Variants in GNAZ observed in about 807,000 individuals in gnomAD.
GNAZ encodes guanine nucleotide-binding protein G(z) subunit alpha.
Under a neutral mutation model 25.4 loss-of-function variants are expected in GNAZ, and 3 were observed. The observed-to-expected ratio is 0.12, with a 90% confidence interval of 0.05 to 0.30. The LOEUF is 0.30. Among genes scored for constraint, GNAZ ranks in the 10% least tolerant of loss-of-function variants. GNAZ has a pLI of 1.00. For synonymous variants in GNAZ, 211 were observed against 205.7 expected (o/e 1.03, Z -0.22); for missense variants, 241 against 501.8 (o/e 0.48, Z 4.97).
intron 2 of GNAZ, among the ~76,000 whole-genome samples, chr22:23,116,143 G>A (rs548608271): frequency 1.3e-5 from 2 of 152,382 alleles, no homozygotes; most frequent in African/African-American, 4.8e-5. Flanking sequence ...GCCTTGCTTC[G>A]TGAAGCTGCC....
chr22:23,082,276 G>T (rs1030499461), intron 1 of GNAZ, among the ~76,000 whole-genome samples: 1 of 151,508 alleles, frequency 6.6e-6, no homozygotes, highest in Non-Finnish European at 1.5e-5. Flanking sequence ...GAGTGTAATG[G>T]CGCGATCTCG....
At chr22:23,104,849 G>A (rs997210461) in intron 2 of GNAZ, among the ~76,000 whole-genome samples, 8 of 152,236 alleles carry the variant, frequency 5.3e-5, no homozygotes, top group African/African-American at 1.9e-4. Flanking sequence ...GCTCAGTCTA[G>A]TTTCTGGAGG....
intron 1 of GNAZ, among the ~76,000 whole-genome samples, chr22:23,083,640 A>G (rs1382318618): frequency 6.6e-6 from 1 of 152,098 alleles, no homozygotes; most frequent in African/African-American, 2.4e-5. Flanking sequence ...CACACAAGCC[A>G]TTGGAGGCGA....
At chr22:23,106,040 T>C (rs1417890334) in intron 2 of GNAZ, among the ~76,000 whole-genome samples, 1 of 152,146 alleles carries the variant, frequency 6.6e-6, no homozygotes, top group Non-Finnish European at 1.5e-5. Flanking sequence ...TCCCACCATC[T>C]TGGAATTTTC....
rs531977238 is a variant in GNAZ, at chr22:23,078,920, C to T, written c.-450+8350C>T. On this transcript the variant is annotated intron_variant, in intron 1 of 2. Coordinates refer to ENST00000615612, the MANE Select transcript of GNAZ (RefSeq NM_002073.4). Reference sequence around the variant, plus strand: ...CAAGTCCAGGTGGGCGGGGGCTGTGCGTCTACCCGTGTCCACCCAGGGAAG... The same window carrying T: ...CAAGTCCAGGTGGGCGGGGGCTGTGTGTCTACCCGTGTCCACCCAGGGAAG... Among the ~76,000 whole-genome samples the T allele has an allele frequency of 7.2e-5, 11 of 152,308 alleles. No homozygotes were observed. The East Asian group carries it at 1.5e-3, about 21-fold the overall frequency.
chr22:23,115,343 G>A (rs779816599), intron 2 of GNAZ, among the ~76,000 whole-genome samples: 3 of 152,228 alleles, frequency 2.0e-5, no homozygotes, highest in Non-Finnish European at 4.4e-5. Context: ...CCCCAAACCA[G>A]TGTGATTTGG....
chr22:23,076,962 T>G (rs1032566373), intron 1 of GNAZ, among the ~76,000 whole-genome samples: 1 of 152,206 alleles, frequency 6.6e-6, no homozygotes, highest in Non-Finnish European at 1.5e-5. Context: ...AGTTGGAAGC[T>G]CTGGGCTGGG....
chr22:23,080,502 C>G (rs1362991191), intron 1 of GNAZ, among the ~76,000 whole-genome samples: 1 of 152,250 alleles, frequency 6.6e-6, no homozygotes, highest in East Asian at 1.9e-4. Context: ...TCTGCTCGGA[C>G]TATGGCTTCA....
In GNAZ at chr22:23,096,321, G is replaced by A; in HGVS notation, c.626G>A (p.Arg209His). The change falls in exon 2 of 3, where the codon CGC becomes CAC. Residue 209 changes from arginine to histidine, a missense_variant. Physicochemically the swap from Arg to His is conservative, Grantham distance 29. Coordinates refer to ENST00000615612, the MANE Select transcript of GNAZ (RefSeq NM_002073.4). ...GACGTGGGGGGGCAGAGGTCAGAGC[G>A]CAAAAAGTGGATCCACTGCTTCGAG... ...MVDVGGQRSE[R>H]KKWIHCFEGV... The A allele has an allele frequency of 6.2e-7, 1 of 1,613,836 alleles. No homozygotes were observed. The highest frequency in any genetic ancestry group is 8.5e-7 in the Non-Finnish European group (1 of 1,179,984).
chr22:23,106,037 A>G (rs115374300), intron 2 of GNAZ, among the ~76,000 whole-genome samples: 33 of 152,234 alleles, frequency 2.2e-4, no homozygotes, highest in African/African-American at 7.7e-4. Flanking sequence ...TGCTCCCACC[A>G]TCTTGGAATT....
chr22:23,074,015 G>A (rs969274528), intron 1 of GNAZ, among the ~76,000 whole-genome samples: 2 of 152,126 alleles, frequency 1.3e-5, no homozygotes, highest in South Asian at 2.1e-4. Flanking sequence ...GTGCAAAGGC[G>A]CTGAGCAGAC....
intron 1 of GNAZ, among the ~76,000 whole-genome samples, chr22:23,081,691 G>C (rs138359238): frequency 0.012 from 1,767 of 152,128 alleles, 15 homozygotes; most frequent in Non-Finnish European, 0.018. Flanking sequence ...CCATGGTGGT[G>C]GACACCTGTA....
At chr22:23,103,988 C>G (rs1438264207) in intron 2 of GNAZ, among the ~76,000 whole-genome samples, 1 of 152,156 alleles carries the variant, frequency 6.6e-6, no homozygotes, top group African/African-American at 2.4e-5. Context: ...TCCTCTGTCC[C>G]AAAGACCAAC....
chr22:23,099,305 A>G (rs558798002), intron 2 of GNAZ, among the ~76,000 whole-genome samples: 1 of 152,372 alleles, frequency 6.6e-6, no homozygotes, highest in East Asian at 1.9e-4. Flanking sequence ...AGCGAGCCAC[A>G]TGGGGAGCCA....
At chr22:23,104,519 C>T (rs955650752) in intron 2 of GNAZ, among the ~76,000 whole-genome samples, 8 of 152,328 alleles carry the variant, frequency 5.3e-5, no homozygotes, top group African/African-American at 1.4e-4. Context: ...ATTTCCTGAG[C>T]GCATTAGCTC....
At chr22:23,091,695 C>T (rs1288596195) in intron 1 of GNAZ, among the ~76,000 whole-genome samples, 1 of 152,120 alleles carries the variant, frequency 6.6e-6, no homozygotes, top group African/African-American at 2.4e-5. Context: ...CATACACACA[C>T]ACGCACCGCA....
At chr22:23,097,535 A>G (rs2069162521) in intron 2 of GNAZ, among the ~76,000 whole-genome samples, 1 of 152,146 alleles carries the variant, frequency 6.6e-6, no homozygotes, top group Non-Finnish European at 1.5e-5. Flanking sequence ...AACTGTGCCT[A>G]GGTGTTGATG....
At chr22:23,114,199 A>G (rs1053768447) in intron 2 of GNAZ, among the ~76,000 whole-genome samples, 2 of 152,110 alleles carry the variant, frequency 1.3e-5, no homozygotes, top group African/African-American at 4.8e-5. Flanking sequence ...TCCATGGTGA[A>G]TGGAGCGCAT....
At position 23,096,304 on chromosome 22, in the gene GNAZ, G is replaced by A. The variant is rs772157907; in HGVS notation, c.609G>A (p.Gly203=). ...KELTFKMVDV[G]GQRSERKKWI... is the part of the protein sequence containing the mutation. The stretch of plus-strand genomic sequence containing the variant: ...TCACCTTCAAGATGGTGGACGTGGG[G>A]GGGCAGAGGTCAGAGCGCAAAAAGT... Residue 203 remains glycine (G), a synonymous_variant, in exon 2 of 3, where the codon GGG becomes GGA. Coordinates refer to ENST00000615612, the MANE Select transcript of GNAZ (RefSeq NM_002073.4). 1.2e-6 allele frequency: 2 copies of A among 1,613,944 alleles called. No homozygotes were observed. The highest frequency in any genetic ancestry group is 2.2e-5 in the East Asian group (1 of 44,896).
Sources: gnomAD v4.1 joint callset for allele counts (sites outside exome capture counted in the v4.1 genomes callset) on GRCh38, gnomAD v4.1.1 for gene constraint, MANE v1.5 for transcripts, NCBI Gene and HGNC (gene_info 2026-07-23, HGNC 2026-07-21) for gene names.